The following SLC36A1 variants were observed in gnomAD, a reference collection of about 807,000 sequenced individuals.
SLC36A1 encodes solute carrier family 36 member 1, also known as proton-coupled amino acid transporter 1.
In SLC36A1, 30 loss-of-function variants were observed where a neutral mutation model predicts 47.5. The ratio of observed to expected loss-of-function variants is 0.63; its 90% CI spans 0.47 to 0.86. The LOEUF (loss-of-function observed/expected upper bound fraction) is 0.86, where lower values mean the gene tolerates loss of function less well. SLC36A1 is among the 40% of genes least tolerant of loss of function. The pLI is 0.00. For missense variants in SLC36A1, 517 were observed against 606.0 expected (o/e 0.85, Z 1.54); for synonymous variants, 255 against 249.7 (o/e 1.02, Z -0.20).
At chr5:151,419,143 A>G in the SLC36A1 span, among the ~76,000 whole-genome samples, 2 of 152,202 alleles carry the variant, frequency 1.3e-5, no homozygotes, top group Non-Finnish European at 1.5e-5. Context: ...CTGAACTGTG[A>G]GTCAATTAAA....
At chr5:151,538,882 C>T in the SLC36A1 span, among the ~76,000 whole-genome samples, 3 of 150,786 alleles carry the variant, frequency 2.0e-5, no homozygotes, top group African/African-American at 4.9e-5. Context: ...GACGGGGTTT[C>T]ACCATGTTGG....
chr5:151,405,554 G>A, the SLC36A1 span, among the ~76,000 whole-genome samples: 14 of 151,996 alleles, frequency 9.2e-5, no homozygotes, highest in South Asian at 2.7e-3. Context: ...TTCTATATCC[G>A]TCATCTCAGA....
intron 7 of SLC36A1, among the ~76,000 whole-genome samples, chr5:151,470,167 G>A (rs1332312574): frequency 2.6e-5 from 4 of 152,138 alleles, no homozygotes; most frequent in Admixed American, 1.3e-4. Context: ...AAACAAGGAA[G>A]GGTAAATATT....
chr5:151,499,738 G>A, the SLC36A1 span, among the ~76,000 whole-genome samples: 1 of 152,068 alleles, frequency 6.6e-6, no homozygotes, highest in Non-Finnish European at 1.5e-5. Flanking sequence ...AACAACAACT[G>A]TGCAAGCCCT....
chr5:151,376,334 G>A, the SLC36A1 span, among the ~76,000 whole-genome samples: 5 of 152,174 alleles, frequency 3.3e-5, no homozygotes, highest in African/African-American at 9.7e-5. Context: ...CTAGCTAGAA[G>A]TTTGTCAATT....
the SLC36A1 span, among the ~76,000 whole-genome samples, chr5:151,404,142 A>G: frequency 6.6e-6 from 1 of 152,178 alleles, no homozygotes; most frequent in South Asian, 2.1e-4. Context: ...TTCTTTTTGA[A>G]TTGAACTCTT....
chr5:151,414,483 A>C, the SLC36A1 span, among the ~76,000 whole-genome samples: 1 of 152,206 alleles, frequency 6.6e-6, no homozygotes, highest in African/African-American at 2.4e-5. Flanking sequence ...TATCTTGTCC[A>C]ATAAGGAGAT....
chr5:151,391,391 A>C, the SLC36A1 span, among the ~76,000 whole-genome samples: 1 of 152,052 alleles, frequency 6.6e-6, no homozygotes, highest in South Asian at 2.1e-4. Context: ...AATACCCTTT[A>C]TTTCTTTCTC....
the SLC36A1 span, among the ~76,000 whole-genome samples, chr5:151,538,226 A>G: frequency 6.6e-6 from 1 of 152,164 alleles, no homozygotes; most frequent in African/African-American, 2.4e-5. Flanking sequence ...AAAAGAGAGA[A>G]TGGAGAAGTT....
At chr5:151,360,294 T>G in the SLC36A1 span, among the ~76,000 whole-genome samples, 242 of 152,264 alleles carry the variant, frequency 1.6e-3, 1 homozygote, top group African/African-American at 5.4e-3. Flanking sequence ...ACATACACAG[T>G]TGATTAACGC....
downstream of SLC36A1, among the ~76,000 whole-genome samples, chr5:151,494,421 C>A (rs1380631675): frequency 2.6e-5 from 4 of 152,168 alleles, no homozygotes; most frequent in Non-Finnish European, 5.9e-5. Flanking sequence ...GTTTCCTTTG[C>A]CCCCAGAAGG....
At chr5:151,436,730 G>T (rs570416711), upstream of SLC36A1, among the ~76,000 whole-genome samples, 87 of 129,164 alleles carry the variant, frequency 6.7e-4, no homozygotes, top group Admixed American at 6.0e-3. Context: ...CATTATATAT[G>T]TCCTAGGACT....
chr5:151,504,574 A>G, the SLC36A1 span: 1 of 152,718 alleles, frequency 6.5e-6, no homozygotes, highest in Non-Finnish European at 1.5e-5. Context: ...ACTGCGGTCC[A>G]GCTCCCTGCT....
At chr5:151,521,670 C>G in the SLC36A1 span, 1 of 1,614,056 alleles carries the variant, frequency 6.2e-7, no homozygotes, top group African/African-American at 1.3e-5. Flanking sequence ...TCACCAGCTC[C>G]TCGGGGGTGA....
At chr5:151,391,868 T>C in the SLC36A1 span, among the ~76,000 whole-genome samples, 1 of 152,182 alleles carries the variant, frequency 6.6e-6, no homozygotes, top group Non-Finnish European at 1.5e-5. Context: ...ATTTTCTTTT[T>C]TTGTTGTGTC....
At chr5:151,485,413 C>G (rs1391080051) in intron 10 of SLC36A1, among the ~76,000 whole-genome samples, 1 of 152,206 alleles carries the variant, frequency 6.6e-6, no homozygotes, top group Admixed American at 6.5e-5. Flanking sequence ...CTTGACAAAG[C>G]AGAAAGAGGT....
chr5:151,347,154 T>C, the SLC36A1 span: 2 of 968,576 alleles, frequency 2.1e-6, no homozygotes, highest in Non-Finnish European at 3.3e-6. Context: ...TCAGCTTGAC[T>C]CAGCCCATGA....
chr5:151,517,013 C>T, the SLC36A1 span, among the ~76,000 whole-genome samples: 1 of 151,432 alleles, frequency 6.6e-6, no homozygotes, highest in South Asian at 2.1e-4. Context: ...GAAGCTGAGG[C>T]AGGAGAATCG....
the SLC36A1 span, among the ~76,000 whole-genome samples, chr5:151,427,594 T>G: frequency 1.3e-5 from 2 of 152,144 alleles, no homozygotes; most frequent in Non-Finnish European, 2.9e-5. Context: ...GCCAGGAAAC[T>G]ATGTCTTAGG....
Sources: allele counts gnomAD v4.1 joint callset (sites outside exome capture counted in the v4.1 genomes callset), GRCh38; gene constraint gnomAD v4.1.1; transcripts MANE v1.5; gene names NCBI Gene and HGNC (gene_info 2026-07-23, HGNC 2026-07-21).